ZFPM2: variants seen among roughly 807,000 people sequenced by gnomAD.
ZFPM2 encodes the protein zinc finger protein, FOG family member 2.
In ZFPM2, 20 loss-of-function variants were observed where a neutral mutation model predicts 98.6. The observed-to-expected ratio is 0.20, with a 90% CI of 0.14 to 0.29. The LOEUF (loss-of-function observed/expected upper bound fraction) is 0.29. Among genes scored for constraint, ZFPM2 ranks in the 10% least tolerant of loss-of-function variants. The pLI, the probability that ZFPM2 is intolerant of heterozygous loss-of-function variation, is 1.00. For synonymous variants in ZFPM2, 518 were observed against 502.7 expected, an observed-to-expected ratio of 1.03 and a Z score of -0.41; for missense variants, 1,310 against 1,388.6, an observed-to-expected ratio of 0.94 and a Z score of 0.90.
chr8:105,329,571 C>T (rs562718807), intron 1 of ZFPM2, among the ~76,000 whole-genome samples: 1 of 151,772 alleles, frequency 6.6e-6, no homozygotes, highest in Admixed American at 6.6e-5. Flanking sequence ...TAAAGAGCTA[C>T]AAAATGTCAT....
chr8:105,765,165 T>G (rs1259685712), intron 5 of ZFPM2, among the ~76,000 whole-genome samples: 1 of 151,842 alleles, frequency 6.6e-6, no homozygotes, highest in Non-Finnish European at 1.5e-5. Flanking sequence ...ATATGAATTT[T>G]GCTGTAAAAA....
chr8:105,746,207 A>T (rs1374747588), intron 5 of ZFPM2, among the ~76,000 whole-genome samples: 1 of 151,924 alleles, frequency 6.6e-6, no homozygotes, highest in Non-Finnish European at 1.5e-5. Context: ...CCCCACTACA[A>T]AATAAAGCTA....
At chr8:105,321,547 C>A (rs1812025197) in intron 1 of ZFPM2, among the ~76,000 whole-genome samples, 1 of 151,972 alleles carries the variant, frequency 6.6e-6, no homozygotes, top group African/African-American at 2.4e-5. Flanking sequence ...TCAGCTTATA[C>A]CAGAAACTCT....
chr8:105,647,043 A>C (rs2130860653), intron 5 of ZFPM2, among the ~76,000 whole-genome samples: 1 of 152,242 alleles, frequency 6.6e-6, no homozygotes, highest in East Asian at 1.9e-4. Flanking sequence ...TTTTAGCTCC[A>C]CTGCTCATCC....
At chr8:105,561,753 C>A (rs1243803831) in intron 4 of ZFPM2, among the ~76,000 whole-genome samples, 1 of 152,050 alleles carries the variant, frequency 6.6e-6, no homozygotes, top group Non-Finnish European at 1.5e-5. Flanking sequence ...TTAGCCAGAC[C>A]AAGACTGTTC....
chr8:105,546,010 T>G (rs1814689586), intron 3 of ZFPM2, among the ~76,000 whole-genome samples: 2 of 152,148 alleles, frequency 1.3e-5, no homozygotes, highest in Non-Finnish European at 2.9e-5. Context: ...GGCTTAGCTA[T>G]AAAGTAGGAA....
intron 5 of ZFPM2, among the ~76,000 whole-genome samples, chr8:105,654,575 CTT>C (rs59285951): frequency 0.48 from 72,125 of 150,036 alleles, 17,444 homozygotes; most frequent in African/African-American, 0.57. Flanking sequence ...TTTTTCTATC[CTT>C]TTTTTTTTTA....
Position 105,361,493 on chromosome 8 carries a change from A to T in ZFPM2, c.40+42512A>T, listed in dbSNP as rs1411616251. Among the ~76,000 whole-genome samples, 21 of 151,310 alleles carry T rather than the reference A, an allele frequency of 1.4e-4. 1 individual carries two copies. The highest frequency in any genetic ancestry group is 1.4e-3 in the Admixed American group (21 of 15,176). ...TTAGTTTAATTAGATCCCATTTGTC[A>T]ATTTTGGCTTTTGTTGCCATTGCTT... On this transcript the variant is annotated intron_variant, in intron 1 of 7. Transcript: ENST00000407775.
At chr8:105,376,021 G>A (rs1337231857) in intron 1 of ZFPM2, among the ~76,000 whole-genome samples, 10 of 152,012 alleles carry the variant, frequency 6.6e-5, no homozygotes, top group Non-Finnish European at 1.3e-4. Flanking sequence ...CTCTAGTCTT[G>A]TTTCTATTCT....
intron 4 of ZFPM2, among the ~76,000 whole-genome samples, chr8:105,599,134 A>T (rs1357389451): frequency 2.0e-5 from 3 of 152,084 alleles, no homozygotes; most frequent in Non-Finnish European, 4.4e-5. Context: ...TAAGAAAAAA[A>T]TTAAAAGGCC....
intron 3 of ZFPM2, among the ~76,000 whole-genome samples, chr8:105,554,794 T>A (rs1315027034): frequency 6.6e-6 from 1 of 152,198 alleles, no homozygotes; most frequent in Non-Finnish European, 1.5e-5. Context: ...TAATGGTGAA[T>A]TCAGGTGAAG....
rs531204634 is a variant in ZFPM2, at chr8:105,637,057, A to G, written c.532+2700A>G. ...GTCCAACTTAGGGTTGGAGTGATACATACTAGAATATGTTCTGTCTGCATT... is the reference window on the plus strand; with the variant it reads ...GTCCAACTTAGGGTTGGAGTGATACGTACTAGAATATGTTCTGTCTGCATT... On this transcript the variant is annotated intron_variant, in intron 5 of 7. Transcript: ENST00000407775. Among the ~76,000 whole-genome samples, 8 of 152,266 alleles carry G rather than the reference A, an allele frequency of 5.3e-5. No homozygotes were observed. The South Asian group carries it at 1.7e-3, about 32-fold the overall frequency.
At chr8:105,324,796 C>A (rs1812085913) in intron 1 of ZFPM2, among the ~76,000 whole-genome samples, 1 of 151,872 alleles carries the variant, frequency 6.6e-6, no homozygotes, top group Non-Finnish European at 1.5e-5. Context: ...CCCAGATGAA[C>A]TTTCCTTGAA....
At chr8:105,629,288 T>C (rs1460874822) in intron 4 of ZFPM2, among the ~76,000 whole-genome samples, 1 of 152,216 alleles carries the variant, frequency 6.6e-6, no homozygotes. Flanking sequence ...CTGTTGCGAG[T>C]CCTGTGAAGG....
intron 1 of ZFPM2, among the ~76,000 whole-genome samples, chr8:105,370,773 A>T (rs747892122): frequency 4.6e-5 from 7 of 152,224 alleles, no homozygotes; most frequent in Non-Finnish European, 8.8e-5. Flanking sequence ...GCTGTATTTT[A>T]TGCCTGAGGA....
intron 5 of ZFPM2, among the ~76,000 whole-genome samples, chr8:105,652,012 A>G (rs1220587988): frequency 6.6e-6 from 1 of 152,120 alleles, no homozygotes; most frequent in Non-Finnish European, 1.5e-5. Flanking sequence ...ATCAGTCAGC[A>G]TGGCAGTGTA....
intron 3 of ZFPM2, among the ~76,000 whole-genome samples, chr8:105,560,554 C>T (rs1432440326): frequency 6.8e-6 from 1 of 148,122 alleles, no homozygotes; most frequent in African/African-American, 2.5e-5. Flanking sequence ...CTATCCCAAA[C>T]AACATTTAAG....
At chr8:105,327,837 C>T (rs957946493) in intron 1 of ZFPM2, among the ~76,000 whole-genome samples, 1 of 151,696 alleles carries the variant, frequency 6.6e-6, no homozygotes, top group African/African-American at 2.4e-5. Flanking sequence ...TTATTACTTA[C>T]AATAGCATAA....
At chr8:105,345,166 G>A (rs1812496036) in intron 1 of ZFPM2, among the ~76,000 whole-genome samples, 1 of 151,810 alleles carries the variant, frequency 6.6e-6, no homozygotes, top group Non-Finnish European at 1.5e-5. Context: ...AGCTCATTTT[G>A]GTATCAAATC....
Sources: gnomAD v4.1 joint callset for allele counts (sites outside exome capture counted in the v4.1 genomes callset) on GRCh38, gnomAD v4.1.1 for gene constraint, MANE v1.5 for transcripts, NCBI Gene and HGNC (gene_info 2026-07-23, HGNC 2026-07-21) for gene names.